The following SYT1 variants were observed in gnomAD, a reference collection of about 807,000 sequenced individuals.
The protein encoded by SYT1 is synaptotagmin 1, also known as synaptotagmin-1.
SYT1 carries 8 observed loss-of-function variants against 44.8 expected under a neutral mutation model. The ratio of observed to expected loss-of-function variants is 0.18; its 90% CI spans 0.10 to 0.32. The LOEUF (loss-of-function observed/expected upper bound fraction) is 0.32, where lower values mean the gene tolerates loss of function less well. Among genes scored for constraint, SYT1 ranks in the 10% least tolerant of loss-of-function variants. SYT1 has a pLI of 1.00. For synonymous variants in SYT1, 154 were observed against 188.8 expected (o/e 0.82, Z 1.51); for missense variants, 286 against 509.3 (o/e 0.56, Z 4.22).
At chr12:79,103,025 G>A (rs919655353) in intron 3 of SYT1, 17 of 152,180 alleles carry the variant, frequency 1.1e-4, no homozygotes, top group Non-Finnish European at 2.5e-4. Flanking sequence ...TACAGAAACT[G>A]AGGTACACAG....
chr12:79,255,790 A>G (rs1457584868), intron 4 of SYT1, among the ~76,000 whole-genome samples: 3 of 152,262 alleles, frequency 2.0e-5, no homozygotes, highest in South Asian at 2.1e-4. Context: ...GTCTCAGGAG[A>G]GAGTTTTGGG....
Position 79,217,836 on chromosome 12 carries a change from A to T in SYT1, c.166+151A>T, listed in dbSNP as rs1487546083. ...ATAGTATCCCAATATAAAATGAAAT[A>T]TTCTTGGAAATGGAATATTCTTCTT... On this transcript the variant is annotated intron_variant, in intron 4 of 10. Coordinates refer to ENST00000261205, the MANE Select transcript of SYT1 (RefSeq NM_005639.3). 5.4e-6 allele frequency: 3 copies of T among 556,814 alleles called. No individual in the cohort carries two copies. In the African/African-American group the frequency reaches 5.9e-5, roughly 11 times the overall value. The allele number at this position is 556,814 out of a possible 1,614,324, so 34.5% of individuals were successfully genotyped here.
At chr12:79,182,238 CTG>C (rs1054879653) in intron 3 of SYT1, among the ~76,000 whole-genome samples, 7 of 152,046 alleles carry the variant, frequency 4.6e-5, no homozygotes, top group Non-Finnish European at 8.8e-5. Flanking sequence ...TAGTCTTTTA[CTG>C]GTCTTCATCC....
At chr12:78,939,815 G>A (rs1565727997) in intron 1 of SYT1, among the ~76,000 whole-genome samples, 1 of 152,124 alleles carries the variant, frequency 6.6e-6, no homozygotes. Context: ...GGCAATGATG[G>A]CCAAAATAAT....
At chr12:79,291,731 C>T (rs968817340) in intron 5 of SYT1, 1 of 524,720 alleles carries the variant, frequency 1.9e-6, no homozygotes, top group African/African-American at 1.9e-5. Context: ...ACCAAGTTGA[C>T]ACTTTCTTTG....
intron 8 of SYT1, among the ~76,000 whole-genome samples, chr12:79,330,938 A>G (rs1044747627): frequency 2.0e-5 from 3 of 152,262 alleles, no homozygotes; most frequent in Admixed American, 2.0e-4. Flanking sequence ...CATCTTGGGA[A>G]CCTAACATCT....
chr12:79,440,054 C>T (rs1321953818), intron 9 of SYT1, among the ~76,000 whole-genome samples: 3 of 152,018 alleles, frequency 2.0e-5, no homozygotes, highest in Non-Finnish European at 4.4e-5. Context: ...GGTGAAACCC[C>T]GTCTCTACTA....
intron 2 of SYT1, among the ~76,000 whole-genome samples, chr12:79,024,083 A>G (rs1872368283): frequency 6.6e-6 from 1 of 151,766 alleles, no homozygotes; most frequent in East Asian, 1.9e-4. Context: ...GTTTTCCCAA[A>G]GGTTGAAGGA....
intron 1 of SYT1, among the ~76,000 whole-genome samples, chr12:78,918,515 C>G (rs1013657931): frequency 1.3e-5 from 2 of 152,046 alleles, no homozygotes; most frequent in African/African-American, 4.8e-5. Flanking sequence ...ATTTTGGCCC[C>G]TTTTCAAACC....
At chr12:79,094,033 G>T (rs1328618880) in intron 3 of SYT1, among the ~76,000 whole-genome samples, 1 of 151,468 alleles carries the variant, frequency 6.6e-6, no homozygotes, top group Non-Finnish European at 1.5e-5. Flanking sequence ...TAGTTCTCTT[G>T]TAACAAGAAG....
chr12:79,242,872 G>A (rs1446603492), intron 4 of SYT1, among the ~76,000 whole-genome samples: 1 of 152,090 alleles, frequency 6.6e-6, no homozygotes, highest in Non-Finnish European at 1.5e-5. Flanking sequence ...TCCTAAAATG[G>A]TGTATTAGTC....
chr12:79,252,670 A>G (rs1485250791), intron 4 of SYT1, among the ~76,000 whole-genome samples: 2 of 152,164 alleles, frequency 1.3e-5, no homozygotes, highest in Non-Finnish European at 2.9e-5. Flanking sequence ...TGACTGCAAT[A>G]AACAGAAGTT....
intron 4 of SYT1, among the ~76,000 whole-genome samples, chr12:79,219,222 G>A (rs1407975872): frequency 6.6e-6 from 1 of 151,836 alleles, no homozygotes; most frequent in Non-Finnish European, 1.5e-5. Flanking sequence ...TTTTCTTGCT[G>A]TTTGAGGTCC....
At chr12:79,419,721 T>C (rs1367049401) in intron 9 of SYT1, among the ~76,000 whole-genome samples, 3 of 152,154 alleles carry the variant, frequency 2.0e-5, no homozygotes, top group African/African-American at 7.2e-5. Flanking sequence ...CTAACATCTA[T>C]AATCAAAATA....
chr12:78,904,382 AT>A (rs1485155795), intron 1 of SYT1, among the ~76,000 whole-genome samples: 1 of 152,138 alleles, frequency 6.6e-6, no homozygotes, highest in East Asian at 1.9e-4. Flanking sequence ...TAAAATTTGA[AT>A]TTTTTAGTAA....
At chr12:78,971,617 AAAAC>A (rs1868390063) in intron 1 of SYT1, among the ~76,000 whole-genome samples, 3 of 152,178 alleles carry the variant, frequency 2.0e-5, no homozygotes, top group African/African-American at 2.4e-5. Flanking sequence ...TTTTGATAAG[AAAAC>A]AAACAAATTT....
At position 79,366,725 on chromosome 12, in the gene SYT1, T is replaced by C. The variant is rs185421273; in HGVS notation, c.928+13106T>C. Among the ~76,000 whole-genome samples the C allele has an allele frequency of 9.2e-5, 14 of 152,320 alleles. No individual in the cohort carries two copies. In the East Asian group the frequency reaches 2.7e-3, roughly 29 times the overall value. On this transcript the variant is annotated intron_variant, in intron 9 of 10. Coordinates refer to ENST00000261205, the MANE Select transcript of SYT1 (RefSeq NM_005639.3). Reference sequence around the variant, plus strand: ...ACTAGGGTATTAGAGACAGCCATATTGTTGAATAAACAAATGAGATAACAT... The same window carrying C: ...ACTAGGGTATTAGAGACAGCCATATCGTTGAATAAACAAATGAGATAACAT...
chr12:79,033,406 T>C (rs987845758), intron 2 of SYT1, among the ~76,000 whole-genome samples: 3 of 151,458 alleles, frequency 2.0e-5, no homozygotes, highest in African/African-American at 7.3e-5. Flanking sequence ...TCAAATATAA[T>C]TACATTACTT....
At chr12:79,303,882 A>G (rs1481800068) in intron 8 of SYT1, among the ~76,000 whole-genome samples, 1 of 152,150 alleles carries the variant, frequency 6.6e-6, no homozygotes, top group Non-Finnish European at 1.5e-5. Context: ...TGCTATTTCT[A>G]AGTACATTTA....
Sources: allele counts gnomAD v4.1 joint callset (sites outside exome capture counted in the v4.1 genomes callset), GRCh38; gene constraint gnomAD v4.1.1; transcripts MANE v1.5; gene names NCBI Gene and HGNC (gene_info 2026-07-23, HGNC 2026-07-21).